Variants in GRID2 observed in about 807,000 individuals in gnomAD.
The protein encoded by GRID2 is glutamate ionotropic receptor delta type subunit 2, also known as glutamate receptor ionotropic, delta-2.
GRID2 carries 33 observed loss-of-function variants against 114.8 expected under a neutral mutation model. That is an observed-to-expected ratio of 0.29 (90% CI 0.22 to 0.38). GRID2 has a LOEUF of 0.38. Among genes scored for constraint, GRID2 ranks in the 10% least tolerant of loss-of-function variants. GRID2 has a pLI of 1.00. For missense variants in GRID2, 1,184 were observed against 1,257.7 expected (o/e 0.94, Z 0.89); for synonymous variants, 505 against 449.9 (o/e 1.12, Z -1.55).
intron 2 of GRID2, among the ~76,000 whole-genome samples, chr4:92,790,617 T>C (rs1445684821): frequency 6.6e-6 from 1 of 151,140 alleles, no homozygotes; most frequent in African/African-American, 2.4e-5. Context: ...GCAGTCTCAC[T>C]ATATTGCCCA....
At chr4:93,328,049 C>G (rs925726502) in intron 8 of GRID2, among the ~76,000 whole-genome samples, 3 of 151,978 alleles carry the variant, frequency 2.0e-5, no homozygotes, top group Non-Finnish European at 4.4e-5. Flanking sequence ...CGCAGTGGCT[C>G]ACACCTGTAA....
At chr4:92,435,446 A>T (rs1019230006) in intron 1 of GRID2, among the ~76,000 whole-genome samples, 2 of 152,204 alleles carry the variant, frequency 1.3e-5, no homozygotes, top group African/African-American at 4.8e-5. Context: ...TGTCATGAGT[A>T]TTCATCTGTC....
intron 14 of GRID2, among the ~76,000 whole-genome samples, chr4:93,693,527 A>G (rs1422248561): frequency 6.6e-6 from 1 of 152,218 alleles, no homozygotes; most frequent in Non-Finnish European, 1.5e-5. Flanking sequence ...TTTATATAGC[A>G]GAAATATGAG....
chr4:93,786,471 G>A (rs1449358641), intron 1 of GRID2, among the ~76,000 whole-genome samples: 1 of 152,180 alleles, frequency 6.6e-6, no homozygotes, highest in Non-Finnish European at 1.5e-5. Flanking sequence ...GCAGGGTTTT[G>A]AAAAGGTAAA....
chr4:92,316,308 T>C (rs1043168009), intron 1 of GRID2, among the ~76,000 whole-genome samples: 3 of 152,088 alleles, frequency 2.0e-5, no homozygotes, highest in Admixed American at 6.6e-5. Flanking sequence ...TCTTAAATGG[T>C]TTTTCAATTT....
At chr4:93,172,593 A>G (rs1178405050) in intron 4 of GRID2, among the ~76,000 whole-genome samples, 1 of 151,814 alleles carries the variant, frequency 6.6e-6, no homozygotes, top group Non-Finnish European at 1.5e-5. Flanking sequence ...CTCCATCTCA[A>G]AAAAAAGAAA....
intron 1 of GRID2, among the ~76,000 whole-genome samples, chr4:92,347,509 T>C (rs925896178): frequency 6.6e-6 from 1 of 152,224 alleles, no homozygotes; most frequent in East Asian, 1.9e-4. Context: ...ATACTTGGCT[T>C]GAAGATCTAG....
At chr4:93,017,789 G>A (rs1422690341) in intron 2 of GRID2, among the ~76,000 whole-genome samples, 1 of 138,060 alleles carries the variant, frequency 7.2e-6, no homozygotes, top group Non-Finnish European at 1.5e-5. Context: ...CCAGGACAGA[G>A]CAAGGCTCCT....
intron 1 of GRID2, among the ~76,000 whole-genome samples, chr4:92,560,621 C>A (rs1435178356): frequency 7.0e-6 from 1 of 143,044 alleles, no homozygotes; most frequent in Non-Finnish European, 1.5e-5. Flanking sequence ...ATTTATCTGC[C>A]TGGAACATCC....
intron 2 of GRID2, among the ~76,000 whole-genome samples, chr4:92,880,486 A>G (rs1009802070): frequency 4.6e-5 from 7 of 152,206 alleles, no homozygotes; most frequent in Admixed American, 1.3e-4. Context: ...AAAAATAATG[A>G]ATGATTATAA....
chr4:92,541,653 T>A (rs1182354050), intron 1 of GRID2, among the ~76,000 whole-genome samples: 3 of 152,098 alleles, frequency 2.0e-5, no homozygotes, highest in East Asian at 3.8e-4. Flanking sequence ...ATAATTAATA[T>A]GAGTGGTCAA....
intron 8 of GRID2, among the ~76,000 whole-genome samples, chr4:93,375,705 T>A (rs1411173141): frequency 6.6e-6 from 1 of 152,210 alleles, no homozygotes; most frequent in Non-Finnish European, 1.5e-5. Context: ...AATACCGATT[T>A]ATTTTTTGTG....
chr4:93,474,988 T>C (rs1032079878), intron 11 of GRID2, among the ~76,000 whole-genome samples: 1 of 152,146 alleles, frequency 6.6e-6, no homozygotes, highest in Admixed American at 6.6e-5. Flanking sequence ...CTGAGTTTAA[T>C]AAGTTTTTTG....
At chr4:92,905,420 G>A (rs893822367) in intron 2 of GRID2, among the ~76,000 whole-genome samples, 1 of 151,912 alleles carries the variant, frequency 6.6e-6, no homozygotes, top group Non-Finnish European at 1.5e-5. Flanking sequence ...ATAGAGTTAG[G>A]TAATAAACTA....
At chr4:92,657,467 G>A (rs1031769118) in intron 2 of GRID2, among the ~76,000 whole-genome samples, 1 of 150,940 alleles carries the variant, frequency 6.6e-6, no homozygotes, top group African/African-American at 2.4e-5. Flanking sequence ...AGCAGATAGC[G>A]TCCTAGATCA....
intron 2 of GRID2, among the ~76,000 whole-genome samples, chr4:92,853,844 T>C (rs550167588): frequency 1.3e-5 from 2 of 151,570 alleles, no homozygotes; most frequent in Admixed American, 6.6e-5. Context: ...CTTCTAGAGG[T>C]TGGAGGGAGG....
chr4:93,418,571 A>T (rs942258378), intron 9 of GRID2, among the ~76,000 whole-genome samples: 1 of 152,036 alleles, frequency 6.6e-6, no homozygotes, highest in African/African-American at 2.4e-5. Context: ...ATTCTTGAGG[A>T]TCAATTTCTG....
chr4:93,471,615 C>A (rs1318801471), intron 11 of GRID2, among the ~76,000 whole-genome samples: 2 of 149,826 alleles, frequency 1.3e-5, no homozygotes, highest in Non-Finnish European at 1.5e-5. Context: ...TGAAACAATT[C>A]TCAAGATTAT....
At chr4:92,956,828 C>T (rs975623019) in intron 2 of GRID2, among the ~76,000 whole-genome samples, 3 of 152,076 alleles carry the variant, frequency 2.0e-5, no homozygotes, top group Non-Finnish European at 4.4e-5. Flanking sequence ...GTATTATCAG[C>T]GTTCTGGATT....
Sources: allele counts gnomAD v4.1 joint callset (sites outside exome capture counted in the v4.1 genomes callset), GRCh38; gene constraint gnomAD v4.1.1; transcripts MANE v1.5; gene names NCBI Gene and HGNC (gene_info 2026-07-23, HGNC 2026-07-21).